The following ORC4 variants were observed in gnomAD, a reference collection of about 807,000 sequenced individuals.
ORC4 encodes the protein origin recognition complex, subunit 4 homolog.
ORC4 carries 55 observed loss-of-function variants against 63.9 expected under a neutral mutation model. The ratio of observed to expected loss-of-function variants is 0.86; its 90% CI spans 0.69 to 1.08. The LOEUF (loss-of-function observed/expected upper bound fraction) is 1.08, where lower values mean the gene tolerates loss of function less well. Among genes scored for constraint, ORC4 ranks in the 50% least tolerant of loss-of-function variants. The pLI is 0.00. For missense variants in ORC4, 511 were observed against 504.4 expected (o/e 1.01, Z -0.13); for synonymous variants, 150 against 168.5 (o/e 0.89, Z 0.85).
intron 1 of ORC4, among the ~76,000 whole-genome samples, chr2:148,004,587 C>T (rs532643612): frequency 9.0e-4 from 136 of 151,930 alleles, no homozygotes; most frequent in Non-Finnish European, 1.4e-3. Context: ...CTGAAACTGG[C>T]CCCCCCTTCC....
chr2:147,982,875 C>T (rs187876516), intron 1 of ORC4, among the ~76,000 whole-genome samples: 39 of 152,236 alleles, frequency 2.6e-4, no homozygotes, highest in African/African-American at 9.1e-4. Flanking sequence ...AAAGAACCCT[C>T]AACACTCAAT....
chr2:147,968,596 C>T (rs929369399), intron 4 of ORC4, among the ~76,000 whole-genome samples: 1 of 152,006 alleles, frequency 6.6e-6, no homozygotes, highest in African/African-American at 2.4e-5. Flanking sequence ...TATCATCTCA[C>T]TCCAGTTAGG....
intron 1 of ORC4, among the ~76,000 whole-genome samples, chr2:148,011,629 C>A (rs1692973443): frequency 6.6e-6 from 1 of 152,058 alleles, no homozygotes; most frequent in Non-Finnish European, 1.5e-5. Context: ...AGTAAACAGA[C>A]AAGAGAATGA....
chr2:147,960,714 A>C (rs1252385016), intron 4 of ORC4, among the ~76,000 whole-genome samples: 1 of 152,202 alleles, frequency 6.6e-6, no homozygotes, highest in African/African-American at 2.4e-5. Context: ...TGTCTACAGT[A>C]AATTGCATGT....
chr2:147,945,245 T>A (rs1688594883), intron 9 of ORC4, among the ~76,000 whole-genome samples: 1 of 152,112 alleles, frequency 6.6e-6, no homozygotes, highest in Non-Finnish European at 1.5e-5. Flanking sequence ...CTCTTTGACA[T>A]GATGCTTCAA....
At chr2:148,015,761 G>C (rs1249172488) in intron 1 of ORC4, among the ~76,000 whole-genome samples, 1 of 151,972 alleles carries the variant, frequency 6.6e-6, no homozygotes, top group East Asian at 1.9e-4. Context: ...GCAAAGTTGA[G>C]TGATTTTCTT....
chr2:148,000,019 C>A (rs1692201534), intron 1 of ORC4, among the ~76,000 whole-genome samples: 1 of 148,976 alleles, frequency 6.7e-6, no homozygotes, highest in African/African-American at 2.5e-5. Flanking sequence ...AAATCAAAGT[C>A]TCAAAAGTTT....
chr2:147,960,906 TC>T (rs917024863), intron 4 of ORC4, among the ~76,000 whole-genome samples: 7 of 152,246 alleles, frequency 4.6e-5, no homozygotes, highest in Admixed American at 4.6e-4. Context: ...AAAGGTATTT[TC>T]TAGGGGTCAA....
chr2:147,983,561 T>C (rs1163899282), intron 1 of ORC4, among the ~76,000 whole-genome samples: 1 of 152,126 alleles, frequency 6.6e-6, no homozygotes, highest in South Asian at 2.1e-4. Context: ...TAAGGTTCAT[T>C]ACACACAGAA....
chr2:147,958,366 C>A lies in ORC4; in HGVS notation c.319G>T (p.Asp107Tyr). 1.2e-6 allele frequency: 2 copies of A among 1,611,442 alleles called. No homozygotes were observed. The highest frequency in any genetic ancestry group is 1.7e-6 in the Non-Finnish European group (2 of 1,178,026). Residue 107 changes from aspartate (D) to tyrosine (Y), a missense_variant, in exon 6 of 14, where the codon GAC (aspartate) becomes TAC (tyrosine). Transcript: ENST00000392857. ...VHLNGLLQIN[D>Y]KIALKEITRQ... ...GTGATTTCCTTTAGGGCGATTTTGTCATTGATCTGCAGCAGTCCTAAAATA... is the reference window on the plus strand; with the variant it reads ...GTGATTTCCTTTAGGGCGATTTTGTAATTGATCTGCAGCAGTCCTAAAATA...
chr2:147,995,509 T>G (rs868424986), intron 1 of ORC4, among the ~76,000 whole-genome samples: 1 of 152,158 alleles, frequency 6.6e-6, no homozygotes, highest in African/African-American at 2.4e-5. Context: ...CTTTGTTCTT[T>G]CGCTCTTCAC....
intron 4 of ORC4, among the ~76,000 whole-genome samples, chr2:147,964,484 T>C (rs554721080): frequency 1.3e-5 from 2 of 152,302 alleles, no homozygotes; most frequent in South Asian, 4.1e-4. Flanking sequence ...TATTGTACTT[T>C]CAGGAGGAGA....
chr2:148,013,400 A>G (rs182492878), intron 1 of ORC4, among the ~76,000 whole-genome samples: 17 of 152,326 alleles, frequency 1.1e-4, no homozygotes, highest in Admixed American at 1.1e-3. Flanking sequence ...AGTGAGTAAA[A>G]AGATGTTAGC....
intron 13 of ORC4, among the ~76,000 whole-genome samples, chr2:147,937,210 C>A (rs941137652): frequency 7.2e-5 from 11 of 151,978 alleles, no homozygotes; most frequent in Admixed American, 4.6e-4. Context: ...TTACTAGGGC[C>A]TATAAGGGAT....
At chr2:147,994,561 G>C (rs539139311) in intron 1 of ORC4, among the ~76,000 whole-genome samples, 1 of 152,120 alleles carries the variant, frequency 6.6e-6, no homozygotes, top group Non-Finnish European at 1.5e-5. Flanking sequence ...GGTCTTTTAC[G>C]AATAAGCAAA....
chr2:147,982,653 A>G (rs934932514), intron 1 of ORC4, among the ~76,000 whole-genome samples: 1 of 152,224 alleles, frequency 6.6e-6, no homozygotes, highest in African/African-American at 2.4e-5. Context: ...ACATGCCACT[A>G]TGGTATCTAC....
chr2:147,940,798 G>A (rs1688326539), intron 10 of ORC4, among the ~76,000 whole-genome samples: 1 of 152,112 alleles, frequency 6.6e-6, no homozygotes, highest in Admixed American at 6.6e-5. Flanking sequence ...GATATGATAT[G>A]TGGGAGCTAA....
chr2:147,998,883 AG>A (rs543249765), intron 1 of ORC4, among the ~76,000 whole-genome samples: 7 of 152,180 alleles, frequency 4.6e-5, no homozygotes, highest in Non-Finnish European at 8.8e-5. Flanking sequence ...AGCATGTTTA[AG>A]ATCAGTGCTT....
intron 1 of ORC4, among the ~76,000 whole-genome samples, chr2:148,012,665 T>C (rs1693040777): frequency 6.6e-6 from 1 of 151,918 alleles, no homozygotes; most frequent in Admixed American, 6.6e-5. Flanking sequence ...ATATAACATG[T>C]AGAATGGGAG....
Sources: allele counts gnomAD v4.1 joint callset (sites outside exome capture counted in the v4.1 genomes callset), GRCh38; gene constraint gnomAD v4.1.1; transcripts MANE v1.5; gene names NCBI Gene and HGNC (gene_info 2026-07-23, HGNC 2026-07-21).